Variants in RORB observed in about 807,000 individuals in gnomAD.
RORB encodes nuclear receptor ROR-beta.
RORB carries 6 observed loss-of-function variants against 59.1 expected under a neutral mutation model. That is an observed-to-expected ratio of 0.10 (90% CI 0.06 to 0.20). RORB has a LOEUF of 0.20. RORB is among the 10% of genes least tolerant of loss of function. The pLI is 1.00. For missense variants in RORB, 320 were observed against 560.5 expected (o/e 0.57, Z 4.33); for synonymous variants, 215 against 204.5 (o/e 1.05, Z -0.44).
At chr9:74,649,829 A>G (rs1454750719) in intron 4 of RORB, among the ~76,000 whole-genome samples, 1 of 152,200 alleles carries the variant, frequency 6.6e-6, no homozygotes, top group Admixed American at 6.5e-5. Context: ...GCCTCTGTCA[A>G]TACAGTTTTC....
At chr9:74,679,616 G>A (rs1563972981) in intron 9 of RORB, among the ~76,000 whole-genome samples, 1 of 152,080 alleles carries the variant, frequency 6.6e-6, no homozygotes, top group Non-Finnish European at 1.5e-5. Flanking sequence ...AGACAATTGT[G>A]AATAACACAT....
intron 1 of RORB, among the ~76,000 whole-genome samples, chr9:74,513,260 G>A (rs1309570609): frequency 6.6e-6 from 1 of 151,888 alleles, no homozygotes; most frequent in Non-Finnish European, 1.5e-5. Flanking sequence ...TTACATCCTA[G>A]TAGTAAATAA....
rs1279636263 is a variant in RORB, at chr9:74,499,443, A to G, written c.7+1460A>G. 2.6e-5 allele frequency among the ~76,000 whole-genome samples: 4 copies of G among 152,186 alleles called. No individual in the cohort carries two copies. In the East Asian group the frequency reaches 7.8e-4, roughly 30 times the overall value. ...TGGCTGGACGCTGGGATGTGTCAGG[A>G]AAGGGAAGGAGAAGAAGGAACGGAG... On this transcript the variant is annotated intron_variant, in intron 1 of 9. Transcript: ENST00000376896.
At chr9:74,652,305 G>C (rs777941273) in intron 4 of RORB, among the ~76,000 whole-genome samples, 4 of 152,092 alleles carry the variant, frequency 2.6e-5, no homozygotes, top group Admixed American at 2.6e-4. Flanking sequence ...CTAGTTGCAC[G>C]ACTGAGGAAG....
chr9:74,667,772 T>G lies in RORB; in HGVS notation c.1001-19T>G. Reference sequence around the variant, plus strand: ...TCAAGTTCAAGTATTTTTATTCCATTTTTCTTCTTCCTTTATAGGTTCTGA... The same window carrying G: ...TCAAGTTCAAGTATTTTTATTCCATGTTTCTTCTTCCTTTATAGGTTCTGA... On this transcript the variant is annotated intron_variant, in intron 7 of 9. Coordinates refer to ENST00000376896, the MANE Select transcript of RORB (RefSeq NM_006914.4). The G allele has an allele frequency of 1.3e-6, 2 of 1,500,316 alleles. No individual in the cohort carries two copies. The highest frequency in any genetic ancestry group is 1.9e-6 in the Non-Finnish European group (2 of 1,076,360). 92.9% of individuals were successfully genotyped at this position (1,500,316 alleles called of 1,614,324 possible). A position where few individuals can be genotyped will look rare whatever the true frequency, so the allele number is the denominator to read the frequency against.
At chr9:74,498,233 G>C in intron 1 of RORB, 2 of 583,470 alleles carry the variant, frequency 3.4e-6, no homozygotes, top group Non-Finnish European at 6.1e-6. Context: ...CAGGCTAGTT[G>C]GTTCTTACCA....
At chr9:74,640,845 T>A (rs999531281) in intron 3 of RORB, among the ~76,000 whole-genome samples, 6 of 152,098 alleles carry the variant, frequency 3.9e-5, no homozygotes, top group African/African-American at 1.4e-4. Context: ...CTGTACCCAA[T>A]GGGAAAAGAA....
At chr9:74,682,755 C>CT (rs564119826) in intron 9 of RORB, among the ~76,000 whole-genome samples, 1 of 152,180 alleles carries the variant, frequency 6.6e-6, no homozygotes, top group Non-Finnish European at 1.5e-5. Flanking sequence ...GTATAATTTA[C>CT]TTTTTTAAGA....
Position 74,618,375 on chromosome 9 carries a change from G to A in RORB, c.8-11907G>A, listed in dbSNP as rs556154106. Among the ~76,000 whole-genome samples the A allele has an allele frequency of 6.6e-5, 10 of 152,204 alleles. No homozygotes were observed. In the South Asian group the frequency reaches 1.9e-3, roughly 28 times the overall value. On this transcript the variant is annotated intron_variant, in intron 1 of 9. Transcript: ENST00000376896. Reference sequence around the variant, plus strand: ...GAATACTAACATTCTAATCTTACATGGACATTGTCTCAGTGTGGGGTGATA... The same window carrying A: ...GAATACTAACATTCTAATCTTACATAGACATTGTCTCAGTGTGGGGTGATA...
At chr9:74,642,388 G>GT in intron 3 of RORB, 26 bp from the exon 4 acceptor site, 1 of 1,582,832 alleles carries the variant, frequency 6.3e-7, no homozygotes, top group East Asian at 2.2e-5. Flanking sequence ...CACAAGTGCT[G>GT]TTTTCTGCTT....
chr9:74,590,528 C>A (rs1822870339), intron 1 of RORB, among the ~76,000 whole-genome samples: 1 of 152,108 alleles, frequency 6.6e-6, no homozygotes, highest in Non-Finnish European at 1.5e-5. Flanking sequence ...CTCACCTGTA[C>A]ATGAAATCAT....
intron 1 of RORB, among the ~76,000 whole-genome samples, chr9:74,504,566 G>T (rs960315727): frequency 1.3e-5 from 2 of 151,978 alleles, no homozygotes; most frequent in Non-Finnish European, 2.9e-5. Flanking sequence ...AACTGGCTGG[G>T]TATGCTGACA....
At chr9:74,662,660 T>C in intron 6 of RORB, 54 bp downstream of exon 6, 1 of 1,589,090 alleles carries the variant, frequency 6.3e-7, no homozygotes, top group East Asian at 2.2e-5. Context: ...TGGTCAGCCC[T>C]TAGCACTGTG....
chr9:74,500,058 C>G (rs925783574), intron 1 of RORB, among the ~76,000 whole-genome samples: 3 of 152,128 alleles, frequency 2.0e-5, no homozygotes, highest in African/African-American at 7.2e-5. Context: ...GGATTGAAAG[C>G]CAGGCGCTGG....
intron 1 of RORB, among the ~76,000 whole-genome samples, chr9:74,555,794 C>A (rs1204971228): frequency 6.6e-6 from 1 of 152,160 alleles, no homozygotes; most frequent in Non-Finnish European, 1.5e-5. Context: ...ATGTATTCTG[C>A]AAATGCGTTC....
rs150534867 is a variant in RORB at position 74,606,161 on chromosome 9, G to A, written c.8-24121G>A. 4.5e-4 allele frequency among the ~76,000 whole-genome samples: 68 copies of A among 152,190 alleles called. 1 individual carries two copies. Among genetic ancestry groups the A allele is most frequent in the African/African-American group, 1.5e-3 (63 of 41,496 alleles). On this transcript the variant is annotated intron_variant, in intron 1 of 9. Transcript: ENST00000376896. ...TTTAAATCTCTTAACACAATGCCTG[G>A]CTCCTACTGTAATATGCTCTCAATC...
rs913844160 is a variant in RORB, at chr9:74,686,454, G to A, written c.*836G>A. On this transcript the variant is annotated 3_prime_UTR_variant, in exon 10 of 10. Coordinates refer to ENST00000376896, the MANE Select transcript of RORB (RefSeq NM_006914.4). The stretch of plus-strand genomic sequence containing the variant: ...AGCCATTTTCCTGTTTCAAGAATTA[G>A]GCCACAGATAACATTGCAAGGTCCA... 1.3e-5 allele frequency: 2 copies of A among 152,252 alleles called. No homozygotes were observed. Among genetic ancestry groups the A allele is most frequent in the Non-Finnish European group, 2.9e-5 (2 of 68,038 alleles). 9.4% of individuals were successfully genotyped at this position (152,252 alleles called of 1,614,324 possible).
chr9:74,550,765 C>T (rs1173225652), intron 1 of RORB, among the ~76,000 whole-genome samples: 1 of 152,170 alleles, frequency 6.6e-6, no homozygotes, highest in African/African-American at 2.4e-5. Flanking sequence ...TAAATATCTG[C>T]TGGGCATTAT....
intron 4 of RORB, among the ~76,000 whole-genome samples, chr9:74,658,992 C>T (rs116065243): frequency 0.01 from 1,555 of 152,242 alleles, 31 homozygotes; most frequent in African/African-American, 0.036. Flanking sequence ...TTGAAAAACT[C>T]TTGAAATATC....
Sources: gnomAD v4.1 joint callset for allele counts (sites outside exome capture counted in the v4.1 genomes callset) on GRCh38, gnomAD v4.1.1 for gene constraint, MANE v1.5 for transcripts, NCBI Gene and HGNC (gene_info 2026-07-23, HGNC 2026-07-21) for gene names.